HPF1: variants seen among roughly 807,000 people sequenced by gnomAD.
HPF1 encodes the protein histone PARylation factor 1.
Under a neutral mutation model 38.8 loss-of-function variants are expected in HPF1, and 35 were observed. The observed-to-expected ratio is 0.90, with a 90% CI of 0.69 to 1.19. The LOEUF (loss-of-function observed/expected upper bound fraction) is 1.19, where lower values mean the gene tolerates loss of function less well. Ranked by LOEUF, HPF1 falls within the 50% of genes most tolerant of loss-of-function variation. HPF1 has a pLI of 0.00. For missense variants in HPF1, 367 were observed against 405.8 expected, an observed-to-expected ratio of 0.90 and a Z score of 0.82; for synonymous variants, 115 against 139.2, an observed-to-expected ratio of 0.83 and a Z score of 1.22.
At chr4:169,741,338 TTTTTTG>T (rs1302065595) in intron 5 of HPF1, among the ~76,000 whole-genome samples, 1 of 152,162 alleles carries the variant, frequency 6.6e-6, no homozygotes, top group Non-Finnish European at 1.5e-5. Context: ...GACAAATTTT[TTTTTTG>T]TTTTTGTTTT....
intron 4 of HPF1, among the ~76,000 whole-genome samples, chr4:169,748,354 G>A (rs974491975): frequency 6.6e-6 from 1 of 151,816 alleles, no homozygotes; most frequent in African/African-American, 2.4e-5. Context: ...CTACAATTAT[G>A]GGCTTGTCTC....
intron 1 of HPF1, 57 bp from the exon 2 acceptor site, chr4:169,753,892 A>G: frequency 7.4e-7 from 1 of 1,359,134 alleles, no homozygotes; most frequent in Non-Finnish European, 1.0e-6. Context: ...TCCTTGCATA[A>G]CAGTATCTAT....
At chr4:169,734,708 A>T (rs2150289071) in intron 6 of HPF1, among the ~76,000 whole-genome samples, 1 of 152,334 alleles carries the variant, frequency 6.6e-6, no homozygotes, top group Non-Finnish European at 1.5e-5. Context: ...TCACTGCTGA[A>T]TTCTTACTAT....
chr4:169,734,447 A>G (rs1427116966), intron 6 of HPF1, among the ~76,000 whole-genome samples: 4 of 152,178 alleles, frequency 2.6e-5, no homozygotes, highest in African/African-American at 4.8e-5. Context: ...CAAGTCACAT[A>G]TGGACTAAAA....
rs1240610879 is a variant in HPF1, at chr4:169,755,392, A to T, written c.49-1557T>A. Among the ~76,000 whole-genome samples the T allele has an allele frequency of 2.0e-5, 3 of 152,266 alleles. No individual in the cohort carries two copies. The South Asian group carries it at 6.2e-4, about 32-fold the overall frequency. ...TATTCTTGGGATGTGAAATCCACTT[A>T]TAGAGAGGGCCAACTTTTCGTATAC... On this transcript the variant is annotated intron_variant, in intron 1 of 7. Transcript: ENST00000393381.
Position 169,742,127 on chromosome 4 carries a change from C to A in HPF1, c.498-20G>T. 3 of 1,605,340 alleles carry A rather than the reference C, an allele frequency of 1.9e-6. No individual in the cohort carries two copies. Among genetic ancestry groups the A allele is most frequent in the Non-Finnish European group, 2.5e-6 (3 of 1,177,540 alleles). ...AATAATCTGAAAAAGAAGTAAAAGT[C>A]CGCATTATGTGGCAGGCCACTGTAC... On this transcript the variant is annotated intron_variant, in intron 4 of 7. Transcript: ENST00000393381.
Position 169,752,568 on chromosome 4 carries a change from C to T in HPF1, c.208+1108G>A, listed in dbSNP as rs72698203. ...GTATACAGGGATATGTGTGTACTCT[C>T]TCTCCCCCATGCTATTTTTAAAAAA... On this transcript the variant is annotated intron_variant, in intron 2 of 7. Coordinates refer to ENST00000393381, the MANE Select transcript of HPF1 (RefSeq NM_017867.3). 5.5e-3 allele frequency among the ~76,000 whole-genome samples: 834 copies of T among 152,222 alleles called. 11 individuals are homozygous for T. The highest frequency in any genetic ancestry group is 0.047 in the South Asian group (226 of 4,824).
intron 5 of HPF1, 117 bp downstream of exon 5, chr4:169,741,840 G>T: frequency 1.2e-6 from 1 of 801,900 alleles, no homozygotes. Flanking sequence ...CTAAGGGACA[G>T]CATCCAGTTC....
intron 2 of HPF1, among the ~76,000 whole-genome samples, chr4:169,752,025 A>G (rs933839061): frequency 6.6e-6 from 1 of 152,162 alleles, no homozygotes; most frequent in Non-Finnish European, 1.5e-5. Flanking sequence ...GTTATTTGAC[A>G]TGATTTTTTA....
intron 1 of HPF1, among the ~76,000 whole-genome samples, chr4:169,755,015 C>T (rs1270864941): frequency 6.6e-6 from 1 of 151,762 alleles, no homozygotes; most frequent in East Asian, 1.9e-4. Flanking sequence ...GTGTACTGCA[C>T]CCATTAACTC....
chr4:169,731,799 G>A lies in HPF1; in HGVS notation c.814C>T (p.Gln272Ter). 1.2e-6 allele frequency: 2 copies of A among 1,609,246 alleles called. No individual in the cohort carries two copies. Among genetic ancestry groups the A allele is most frequent in the Non-Finnish European group, 8.5e-7 (1 of 1,178,566 alleles). The change falls in exon 7 of 8, where the codon CAG (glutamine) becomes TAG (stop). Residue 272 changes from glutamine (Q) to a stop codon, truncating the protein, a stop_gained. Transcript: ENST00000393381. LOFTEE classifies it high-confidence loss of function. ...AACTGCACAAAAGTCATCATTTCCT[G>A]AATGGGAGCAAAAGCTTTTAGTCTC... ...EERLKAFAPI[Q>*]EMMTFVQFAN...
intron 6 of HPF1, among the ~76,000 whole-genome samples, chr4:169,736,107 G>A (rs1971326): frequency 0.96 from 146,237 of 152,014 alleles, 70,380 homozygotes; most frequent in East Asian, 0.99. Context: ...GGCCAGGTTC[G>A]GTGGCTCATG....
intron 4 of HPF1, among the ~76,000 whole-genome samples, chr4:169,747,183 C>T (rs1468064454): frequency 6.7e-6 from 1 of 150,024 alleles, no homozygotes; most frequent in Non-Finnish European, 1.5e-5. Context: ...ACTTAACATG[C>T]TAGTGCAAGA....
chr4:169,729,815 A>C, intron 7 of HPF1, 106 bp from the exon 8 acceptor site: 1 of 831,644 alleles, frequency 1.2e-6, no homozygotes, highest in Non-Finnish European at 1.6e-6. Context: ...TACTTCCAAA[A>C]TCATTTTAGC....
intron 6 of HPF1, among the ~76,000 whole-genome samples, chr4:169,737,128 G>A (rs4692743): frequency 0.99 from 150,182 of 152,128 alleles, 74,156 homozygotes; most frequent in East Asian, 1. Flanking sequence ...CGTCTCTACT[G>A]AAAATACAAA....
At position 169,737,651 on chromosome 4, in the gene HPF1, A is replaced by G. The variant is rs1306482150; in HGVS notation, c.736+9T>C. On this transcript the variant is annotated intron_variant, in intron 6 of 7. Transcript: ENST00000393381. ...CATATATGCACATGTTTACTATGAAATACATTACCATCTGTTTCAGGGAGC... is the reference window on the plus strand; with the variant it reads ...CATATATGCACATGTTTACTATGAAGTACATTACCATCTGTTTCAGGGAGC... The G allele has an allele frequency of 6.5e-7, 1 of 1,532,128 alleles. No individual in the cohort carries two copies. Among genetic ancestry groups the G allele is most frequent in the African/African-American group, 1.4e-5 (1 of 73,300 alleles). 94.9% of individuals were successfully genotyped at this position (1,532,128 alleles called of 1,614,324 possible).
intron 7 of HPF1, among the ~76,000 whole-genome samples, chr4:169,730,672 C>T (rs1378964953): frequency 1.3e-5 from 2 of 152,156 alleles, no homozygotes; most frequent in Non-Finnish European, 2.9e-5. Context: ...TTCCCATTGA[C>T]GCTGATGCAC....
At chr4:169,746,591 G>A (rs929474833) in intron 4 of HPF1, among the ~76,000 whole-genome samples, 2 of 151,844 alleles carry the variant, frequency 1.3e-5, no homozygotes, top group Non-Finnish European at 2.9e-5. Context: ...GCAGACACAA[G>A]ATTTAATAAT....
At chr4:169,748,889 T>C (rs1734083231) in intron 3 of HPF1, 47 bp from the exon 4 acceptor site, 1 of 862,452 alleles carries the variant, frequency 1.2e-6, no homozygotes, top group Admixed American at 2.6e-5. Flanking sequence ...ATAATTTATA[T>C]TATCAGGCAA....
Sources: allele counts gnomAD v4.1 joint callset (sites outside exome capture counted in the v4.1 genomes callset), GRCh38; gene constraint gnomAD v4.1.1; transcripts MANE v1.5; gene names NCBI Gene and HGNC (gene_info 2026-07-23, HGNC 2026-07-21).